The following HEMK2 variants were observed in gnomAD, a reference collection of about 807,000 sequenced individuals.
HEMK2 encodes the protein HemK methyltransferase 2, ETF1 glutamine and histone H4 lysine, also known as methyltransferase HEMK2.
the HEMK2 span, among the ~76,000 whole-genome samples, chr21:28,870,498 C>G: frequency 0.17 from 25,500 of 151,978 alleles, 2,237 homozygotes; most frequent in South Asian, 0.23. Flanking sequence ...GCCTCTGAAG[C>G]TCAAACAATG....
At chr21:28,842,491 A>G in the HEMK2 span, among the ~76,000 whole-genome samples, 1 of 152,152 alleles carries the variant, frequency 6.6e-6, no homozygotes, top group Non-Finnish European at 1.5e-5. Flanking sequence ...CTGGCCTGAT[A>G]GTATTTGATT....
At chr21:28,609,417 T>A in the HEMK2 span, among the ~76,000 whole-genome samples, 3 of 152,034 alleles carry the variant, frequency 2.0e-5, no homozygotes, top group Non-Finnish European at 2.9e-5. Context: ...GAGTCCCAGA[T>A]CTTCACTCTG....
chr21:28,822,010 G>C, the HEMK2 span, among the ~76,000 whole-genome samples: 1 of 152,156 alleles, frequency 6.6e-6, no homozygotes, highest in African/African-American at 2.4e-5. Flanking sequence ...ACAAATATCA[G>C]TATAATTGAA....
the HEMK2 span, among the ~76,000 whole-genome samples, chr21:28,714,413 A>G: frequency 6.6e-6 from 1 of 152,206 alleles, no homozygotes; most frequent in Non-Finnish European, 1.5e-5. Context: ...CTTCCTATAT[A>G]GTTAGGGTGT....
At chr21:28,598,353 G>A in the HEMK2 span, among the ~76,000 whole-genome samples, 1 of 152,188 alleles carries the variant, frequency 6.6e-6, no homozygotes, top group Non-Finnish European at 1.5e-5. Flanking sequence ...TGAGGTGCTG[G>A]AGTAGGAGCA....
the HEMK2 span, among the ~76,000 whole-genome samples, chr21:28,860,881 T>C: frequency 6.6e-6 from 1 of 152,148 alleles, no homozygotes; most frequent in South Asian, 2.1e-4. Flanking sequence ...AAGGTTCTAA[T>C]AGTTTATTTG....
the HEMK2 span, among the ~76,000 whole-genome samples, chr21:28,844,262 T>C: frequency 3.9e-4 from 60 of 152,214 alleles, 1 homozygote; most frequent in Admixed American, 9.2e-4. Context: ...GGTCATTCTT[T>C]CAAAGCAGAG....
At chr21:28,811,320 G>GAGGA in the HEMK2 span, among the ~76,000 whole-genome samples, 2 of 143,292 alleles carry the variant, frequency 1.4e-5, no homozygotes, top group East Asian at 2.2e-4. Context: ...GAGGGGAGGG[G>GAGGA]AGGAAGGAAG....
the HEMK2 span, among the ~76,000 whole-genome samples, chr21:28,835,334 C>T: frequency 6.6e-6 from 1 of 152,132 alleles, no homozygotes; most frequent in Admixed American, 6.6e-5. Context: ...GCAGAAAACC[C>T]CCAGTACCAG....
chr21:28,859,363 C>A, the HEMK2 span, among the ~76,000 whole-genome samples: 1,286 of 152,164 alleles, frequency 8.5e-3, 15 homozygotes, highest in African/African-American at 0.029. Context: ...TTCAAGTTGC[C>A]TACAATTTTC....
the HEMK2 span, among the ~76,000 whole-genome samples, chr21:28,704,676 A>C: frequency 0.026 from 3,975 of 152,232 alleles, 83 homozygotes; most frequent in Non-Finnish European, 0.038. Flanking sequence ...GCTTCAGGTA[A>C]CCCTAATTTA....
At chr21:28,749,487 G>A in the HEMK2 span, among the ~76,000 whole-genome samples, 1 of 152,178 alleles carries the variant, frequency 6.6e-6, no homozygotes, top group Non-Finnish European at 1.5e-5. Flanking sequence ...TAATTTGAAA[G>A]TATAAACTTG....
chr21:28,816,370 A>C, the HEMK2 span, among the ~76,000 whole-genome samples: 1 of 152,194 alleles, frequency 6.6e-6, no homozygotes, highest in African/African-American at 2.4e-5. Context: ...AAAAATAATA[A>C]TTTTTTAAAA....
the HEMK2 span, among the ~76,000 whole-genome samples, chr21:28,748,185 G>A: frequency 1.3e-5 from 2 of 152,150 alleles, no homozygotes; most frequent in Admixed American, 1.3e-4. Flanking sequence ...TGGGTGACAG[G>A]ATCATTCAAA....
At chr21:28,607,181 C>A in the HEMK2 span, among the ~76,000 whole-genome samples, 438 of 152,148 alleles carry the variant, frequency 2.9e-3, 2 homozygotes, top group Non-Finnish European at 5.0e-3. Flanking sequence ...GAGGCCAAAG[C>A]GGGTGGATTG....
the HEMK2 span, among the ~76,000 whole-genome samples, chr21:28,599,862 T>C: frequency 6.6e-6 from 1 of 152,116 alleles, no homozygotes. Flanking sequence ...ACAGAGACAG[T>C]GAAATCCAAA....
At chr21:28,674,595 C>A in the HEMK2 span, 1 of 152,262 alleles carries the variant, frequency 6.6e-6, no homozygotes, top group Non-Finnish European at 1.5e-5. Context: ...TGCCCAACTG[C>A]ATTAATTTTT....
At chr21:28,876,613 A>G in the HEMK2 span, 4 of 573,570 alleles carry the variant, frequency 7.0e-6, no homozygotes, top group African/African-American at 1.9e-5. Flanking sequence ...AAAACAATGT[A>G]TATCAAATAA....
the HEMK2 span, among the ~76,000 whole-genome samples, chr21:28,804,895 T>A: frequency 6.6e-6 from 1 of 152,220 alleles, no homozygotes; most frequent in Non-Finnish European, 1.5e-5. Context: ...ATACTGTTTG[T>A]AATTCATGTT....
Sources: allele counts gnomAD v4.1 joint callset (sites outside exome capture counted in the v4.1 genomes callset), GRCh38; gene constraint gnomAD v4.1.1; transcripts MANE v1.5; gene names NCBI Gene and HGNC (gene_info 2026-07-23, HGNC 2026-07-21).